RAB11B: variants seen among roughly 807,000 people sequenced by gnomAD.
The protein encoded by RAB11B is RAB11B, member RAS oncogene family.
A neutral mutation model predicts 23.7 loss-of-function variants in RAB11B; 7 were observed. That is an observed-to-expected ratio of 0.29 (90% CI 0.17 to 0.55). RAB11B has a LOEUF of 0.55. RAB11B is among the 20% of genes least tolerant of loss of function. The pLI is 0.93. For synonymous variants in RAB11B, 138 were observed against 132.0 expected, an observed-to-expected ratio of 1.05 and a Z score of -0.31; for missense variants, 189 against 320.0, an observed-to-expected ratio of 0.59 and a Z score of 3.12.
chr19:8,403,139 C>T (rs1169661769), intron 4 of RAB11B, among the ~76,000 whole-genome samples: 3 of 152,176 alleles, frequency 2.0e-5, no homozygotes, highest in South Asian at 4.1e-4. Context: ...TGCGGGGAGG[C>T]GGGTAGCCTC....
chr19:8,402,244 G>T lies in RAB11B; in HGVS notation c.395G>T (p.Arg132Leu). ...VGNKSDLRHL[R>L]AVPTDEARAF... The stretch of plus-strand genomic sequence containing the variant: ...AACAAGAGTGACCTGCGCCACCTGC[G>T]GGCTGTGCCCACTGACGAGGCCCGC... Residue 132 changes from arginine (R) to leucine (L), a missense_variant, in exon 3 of 5, where the codon CGG becomes CTG. Around this residue, in one of 5 missense-constraint regions of RAB11B, gnomAD observed 122 missense variants for 170.8 expected, o/e 0.71. Coordinates refer to ENST00000328024, the MANE Select transcript of RAB11B (RefSeq NM_004218.4). 6.4e-7 allele frequency: 1 copy of T among 1,566,178 alleles called. No homozygotes were observed. Among genetic ancestry groups the T allele is most frequent in the East Asian group, 2.4e-5 (1 of 41,852 alleles).
In RAB11B at chr19:8,402,654, C is replaced by CTTGTTTTTTTCTGT. The variant is rs1555691042; in HGVS notation, c.511+101_511+102insGTTTGTTTTTTTCT. On this transcript the variant is annotated intron_variant, in intron 4 of 4. Transcript: ENST00000328024. The stretch of plus-strand genomic sequence containing the variant: ...AACCTTCGCTTGTTTTGTTCGTTTG[C>CTTGTTTTTTTCTGT]TTGTTTTTTTCTTTTTTTTGTCGGG... 9 of 930,042 alleles carry CTTGTTTTTTTCTGT rather than the reference C, an allele frequency of 9.7e-6. No homozygotes were observed. The African/African-American group carries it at 1.5e-4, about 15-fold the overall frequency. 57.6% of individuals were successfully genotyped at this position (930,042 alleles called of 1,614,324 possible). A position where few individuals can be genotyped will look rare whatever the true frequency, so the allele number is the denominator to read the frequency against.
chr19:8,390,747 G>T, intron 1 of RAB11B: 1 of 338,652 alleles, frequency 3.0e-6, no homozygotes, highest in Non-Finnish European at 5.3e-6. Context: ...CTGTTAGGGC[G>T]GGGCCTCCGC....
At chr19:8,399,681 G>T (rs1380351417) in intron 1 of RAB11B, among the ~76,000 whole-genome samples, 182 bp from the exon 2 acceptor site, 1 of 152,242 alleles carries the variant, frequency 6.6e-6, no homozygotes, top group African/African-American at 2.4e-5. Context: ...GAAGGCAGGA[G>T]CCTGCCTTCA....
chr19:8,393,528 C>T (rs1471976026), intron 1 of RAB11B, among the ~76,000 whole-genome samples: 2 of 152,222 alleles, frequency 1.3e-5, no homozygotes, highest in Non-Finnish European at 2.9e-5. Flanking sequence ...CAGCTCCCAG[C>T]CCTCAAGCCT....
chr19:8,402,230 C>T lies in RAB11B; in HGVS notation c.381C>T (p.Asp127=), dbSNP rs1599688532. 1 of 1,569,234 alleles carries T rather than the reference C, an allele frequency of 6.4e-7. No individual in the cohort carries two copies. The highest frequency in any genetic ancestry group is 1.4e-5 in the African/African-American group (1 of 73,864). Residue 127 remains aspartate, a synonymous_variant, in exon 3 of 5, where the codon GAC becomes GAT. Transcript: ENST00000328024. ...IVIMLVGNKS[D]LRHLRAVPTD... is the part of the protein sequence containing the mutation. ...TCATGCTGGTGGGCAACAAGAGTGA[C>T]CTGCGCCACCTGCGGGCTGTGCCCA...
Position 8,403,786 on chromosome 19 carries a change from C to CCCCGCCA in RAB11B, c.*228_*229insCCCGCCA. On this transcript the variant is annotated 3_prime_UTR_variant, in exon 5 of 5. Coordinates refer to ENST00000328024, the MANE Select transcript of RAB11B (RefSeq NM_004218.4). ...TGCACCCATGAAACTCGGGTCCCCA[C>CCCCGCCA]AGCGTCTTGGCGGGGTGGGGAGGGC... is the stretch of plus-strand genomic sequence containing the variant. 3.5e-6 allele frequency: 2 copies of CCCCGCCA among 572,728 alleles called. No individual in the cohort carries two copies. Among genetic ancestry groups the CCCCGCCA allele is most frequent in the Non-Finnish European group, 5.7e-6 (2 of 350,146 alleles). 35.5% of individuals were successfully genotyped at this position (572,728 alleles called of 1,614,324 possible). A position where few individuals can be genotyped will look rare whatever the true frequency, so the allele number is the denominator to read the frequency against.
intron 1 of RAB11B, among the ~76,000 whole-genome samples, chr19:8,390,981 G>A (rs1307914075): frequency 6.6e-6 from 1 of 151,810 alleles, no homozygotes; most frequent in Non-Finnish European, 1.5e-5. Context: ...ATGGGGGCTG[G>A]GCCGAGATGA....
At chr19:8,398,868 A>C (rs889996506) in intron 1 of RAB11B, among the ~76,000 whole-genome samples, 1 of 151,408 alleles carries the variant, frequency 6.6e-6, no homozygotes, top group Non-Finnish European at 1.5e-5. Flanking sequence ...TGCAGCCTCC[A>C]CCTCCTGGGC....
At chr19:8,399,799 G>T in intron 1 of RAB11B, 64 bp from the exon 2 acceptor site, 1 of 1,568,340 alleles carries the variant, frequency 6.4e-7, no homozygotes, top group South Asian at 1.2e-5. Flanking sequence ...GAACCGGCGG[G>T]AAGGTTGTGG....
At chr19:8,393,065 C>T (rs1033336045) in intron 1 of RAB11B, among the ~76,000 whole-genome samples, 3 of 151,992 alleles carry the variant, frequency 2.0e-5, no homozygotes, top group African/African-American at 7.2e-5. Context: ...CAGCAGATCC[C>T]CCGGGTGATG....
Position 8,402,560 on chromosome 19 carries a change from T to C in RAB11B, c.506T>C (p.Leu169Pro), listed in dbSNP as rs1041662391. The C allele has an allele frequency of 1.9e-6, 3 of 1,612,436 alleles. No homozygotes were observed. In the African/African-American group the frequency reaches 4.0e-5, roughly 22 times the overall value. Residue 169 changes from leucine (L) to proline (P), a missense_variant, in exon 4 of 5, where the codon CTC becomes CCC. Physicochemically the swap from Leu to Pro is moderately conservative, Grantham distance 98 (BLOSUM62 -3). Around this residue, in one of 5 missense-constraint regions of RAB11B, gnomAD observed 122 missense variants for 170.8 expected, o/e 0.71. Transcript: ENST00000328024. ...TNVEEAFKNILTEIYRIVSQK... is the reference protein window; with the variant it reads ...TNVEEAFKNIPTEIYRIVSQK... ...GTAGAGGAAGCATTCAAGAACATCC[T>C]CACAGGTGGCCGGGGACCAGATGGG...
chr19:8,401,403 G>A (rs551792318), intron 2 of RAB11B, among the ~76,000 whole-genome samples: 4 of 150,600 alleles, frequency 2.7e-5, no homozygotes, highest in Non-Finnish European at 5.9e-5. Context: ...TTTTGAGATA[G>A]AGTCTCACTC....
At chr19:8,402,611 G>A (rs1329179776) in intron 4 of RAB11B, 46 bp downstream of exon 4, 1 of 1,389,922 alleles carries the variant, frequency 7.2e-7, no homozygotes. Context: ...AGCCAGGCAG[G>A]GTGGAACACG....
chr19:8,395,632 C>G (rs2048426966), intron 1 of RAB11B, among the ~76,000 whole-genome samples: 1 of 152,148 alleles, frequency 6.6e-6, no homozygotes, highest in Non-Finnish European at 1.5e-5. Context: ...GAATGCCAGC[C>G]CCGTTGTCTT....
At chr19:8,398,793 T>TTTC (rs1224320165) in intron 1 of RAB11B, among the ~76,000 whole-genome samples, 1 of 152,014 alleles carries the variant, frequency 6.6e-6, no homozygotes, top group Non-Finnish European at 1.5e-5. Flanking sequence ...TGCCTGCTCT[T>TTTC]TTCGTGGGGG....
At chr19:8,400,746 C>T (rs1000462076) in intron 2 of RAB11B, among the ~76,000 whole-genome samples, 3 of 152,120 alleles carry the variant, frequency 2.0e-5, no homozygotes, top group Non-Finnish European at 4.4e-5. Context: ...GCCGCCATAC[C>T]AGGCTAATTT....
At chr19:8,392,427 C>T (rs552125754) in intron 1 of RAB11B, among the ~76,000 whole-genome samples, 10 of 144,852 alleles carry the variant, frequency 6.9e-5, no homozygotes, top group African/African-American at 1.8e-4. Flanking sequence ...TTAGCTTCTG[C>T]GGCATCTGGC....
chr19:8,390,856 G>C (rs1032780094), intron 1 of RAB11B, among the ~76,000 whole-genome samples: 1 of 152,060 alleles, frequency 6.6e-6, no homozygotes, highest in Non-Finnish European at 1.5e-5. Flanking sequence ...AAGGCGTGAT[G>C]GGCGTGACCA....
Sources: allele counts gnomAD v4.1 joint callset (sites outside exome capture counted in the v4.1 genomes callset), GRCh38; gene constraint gnomAD v4.1.1; regional missense constraint gnomAD v4.1.1; transcripts MANE v1.5; gene names NCBI Gene and HGNC (gene_info 2026-07-23, HGNC 2026-07-21).